Variants in ANO2 observed in about 807,000 individuals in gnomAD.
ANO2 encodes anoctamin 2.
A neutral mutation model predicts 124.2 loss-of-function variants in ANO2; 101 were observed. That is an observed-to-expected ratio of 0.81 (90% CI 0.69 to 0.96). The LOEUF is 0.96. ANO2 is among the 40% of genes least tolerant of loss of function. The probability of loss-of-function intolerance (pLI) is 0.00; values close to 1 mark genes in which losing one functional copy is unlikely to be tolerated. For synonymous variants in ANO2, 486 were observed against 482.5 expected (o/e 1.01, Z -0.09); for missense variants, 1,293 against 1,274.5 (o/e 1.01, Z -0.22).
At chr12:5,832,397 C>T in intron 5 of ANO2, 55 bp downstream of exon 5, 1 of 1,603,092 alleles carries the variant, frequency 6.2e-7, no homozygotes, top group Non-Finnish European at 8.5e-7. Context: ...GAACAGTATT[C>T]AATTTTCCTT....
intron 10 of ANO2, among the ~76,000 whole-genome samples, chr12:5,786,911 G>C (rs1391391801): frequency 6.6e-6 from 1 of 152,180 alleles, no homozygotes; most frequent in Non-Finnish European, 1.5e-5. Flanking sequence ...CAAAGGGCAT[G>C]GTAAACTGGT....
chr12:5,720,407 T>G (rs189356995), intron 14 of ANO2, among the ~76,000 whole-genome samples: 2 of 152,280 alleles, frequency 1.3e-5, no homozygotes, highest in East Asian at 3.9e-4. Flanking sequence ...AGGGCATGTG[T>G]GTGTTTCCAG....
intron 13 of ANO2, among the ~76,000 whole-genome samples, chr12:5,734,537 G>T (rs1950774224): frequency 6.6e-6 from 1 of 152,222 alleles, no homozygotes; most frequent in African/African-American, 2.4e-5. Flanking sequence ...GGCTTTCCAG[G>T]ACATGATGTG....
At chr12:5,783,890 T>A (rs1196991934) in intron 10 of ANO2, among the ~76,000 whole-genome samples, 1 of 152,200 alleles carries the variant, frequency 6.6e-6, no homozygotes, top group Non-Finnish European at 1.5e-5. Flanking sequence ...GGCTACGACC[T>A]AATTCTGGGA....
intron 10 of ANO2, among the ~76,000 whole-genome samples, chr12:5,776,072 A>T (rs1473686465): frequency 6.6e-6 from 1 of 152,178 alleles, no homozygotes; most frequent in Non-Finnish European, 1.5e-5. Flanking sequence ...CAAACCAATC[A>T]GTCCTTCCTC....
intron 14 of ANO2, among the ~76,000 whole-genome samples, chr12:5,704,421 G>T (rs2137031504): frequency 6.6e-6 from 1 of 152,232 alleles, no homozygotes; most frequent in East Asian, 1.9e-4. Context: ...CTTTTAAATG[G>T]GTGGGCATAA....
intron 19 of ANO2, among the ~76,000 whole-genome samples, chr12:5,610,819 TACACACACACACAC>T (rs766401385): frequency 6.3e-5 from 7 of 110,860 alleles, no homozygotes; most frequent in African/African-American, 1.3e-4. Context: ...GAGTTGTCCA[TACACACACACACAC>T]ACACACACAC....
intron 16 of ANO2, among the ~76,000 whole-genome samples, chr12:5,634,950 C>T (rs1265199532): frequency 3.9e-5 from 6 of 152,200 alleles, no homozygotes; most frequent in Admixed American, 6.5e-5. Flanking sequence ...AAGAACATTA[C>T]AGGAAGGATT....
chr12:5,855,517 A>T (rs1049394407), intron 3 of ANO2, among the ~76,000 whole-genome samples: 1 of 152,248 alleles, frequency 6.6e-6, no homozygotes, highest in Non-Finnish European at 1.5e-5. Context: ...AAAAATGAAG[A>T]ATAAACCACG....
At chr12:5,714,279 G>A (rs1045751817) in intron 14 of ANO2, among the ~76,000 whole-genome samples, 33 of 152,200 alleles carry the variant, frequency 2.2e-4, no homozygotes, top group African/African-American at 7.7e-4. Flanking sequence ...GAAGGTCAAG[G>A]AGGAAACTCA....
At chr12:5,830,183 C>CT (rs200574873) in intron 6 of ANO2, among the ~76,000 whole-genome samples, 209 of 152,118 alleles carry the variant, frequency 1.4e-3, no homozygotes, top group African/African-American at 4.8e-3. Context: ...CTCTGTTTTT[C>CT]TTTTTTTTCT....
intron 14 of ANO2, among the ~76,000 whole-genome samples, chr12:5,694,353 G>C (rs539981552): frequency 3.3e-5 from 5 of 151,998 alleles, no homozygotes; most frequent in African/African-American, 1.2e-4. Flanking sequence ...CCACAGGAGA[G>C]AGAAAGAGTG....
chr12:5,667,130 C>T (rs1406154112), intron 14 of ANO2, among the ~76,000 whole-genome samples: 1 of 152,170 alleles, frequency 6.6e-6, no homozygotes, highest in African/African-American at 2.4e-5. Flanking sequence ...GGGACCCCAC[C>T]CTATGCATTT....
intron 11 of ANO2, among the ~76,000 whole-genome samples, chr12:5,746,799 C>G (rs1431459384): frequency 6.6e-6 from 1 of 152,176 alleles, no homozygotes; most frequent in Non-Finnish European, 1.5e-5. Flanking sequence ...TAAACAGCTG[C>G]TATTAAGGTC....
intron 7 of ANO2, among the ~76,000 whole-genome samples, chr12:5,822,261 G>A (rs776180679): frequency 2.0e-5 from 3 of 152,202 alleles, no homozygotes; most frequent in South Asian, 2.1e-4. Context: ...AGCATGATTG[G>A]AAAATTGGTG....
intron 3 of ANO2, among the ~76,000 whole-genome samples, chr12:5,899,657 A>G (rs1940045784): frequency 1.3e-5 from 2 of 152,232 alleles, no homozygotes; most frequent in African/African-American, 2.4e-5. Flanking sequence ...AGACAGAAAC[A>G]GCTCCATTTT....
At chr12:5,861,717 C>T (rs1043660719) in intron 3 of ANO2, among the ~76,000 whole-genome samples, 3 of 152,094 alleles carry the variant, frequency 2.0e-5, no homozygotes, top group East Asian at 3.9e-4. Context: ...ATGAGCCTGT[C>T]GATGATGGAG....
upstream of ANO2, chr12:5,946,115 A>G: frequency 6.2e-7 from 1 of 1,610,052 alleles, no homozygotes; most frequent in South Asian, 1.1e-5. This position sits in a 1 kb window ranked among gnomAD's most constrained non-coding sequence, Gnocchi z 4.1. Flanking sequence ...AAGAAGTACT[A>G]TGTTAAGGTC....
intron 14 of ANO2, among the ~76,000 whole-genome samples, chr12:5,723,648 GAA>G (rs1321696091): frequency 6.6e-6 from 1 of 152,156 alleles, no homozygotes; most frequent in East Asian, 1.9e-4. Flanking sequence ...GGTAGAGAAA[GAA>G]AGAGAGAGAG....
Sources: gnomAD v4.1 joint callset for allele counts (sites outside exome capture counted in the v4.1 genomes callset) on GRCh38, gnomAD v4.1.1 for gene constraint, Gnocchi (gnomAD v3.1) non-coding constraint, MANE v1.5 for transcripts, NCBI Gene and HGNC (gene_info 2026-07-23, HGNC 2026-07-21) for gene names.